KIRREL3: variants seen among roughly 807,000 people sequenced by gnomAD.
KIRREL3 encodes kin of IRRE-like protein 3.
In KIRREL3, 36 loss-of-function variants were observed where a neutral mutation model predicts 89.7. The ratio of observed to expected loss-of-function variants is 0.40; its 90% CI spans 0.31 to 0.53. KIRREL3 has a LOEUF of 0.53. KIRREL3 is among the 20% of genes least tolerant of loss of function. The probability of loss-of-function intolerance (pLI) is 0.49; values close to 1 mark genes in which losing one functional copy is unlikely to be tolerated. For missense variants in KIRREL3, 864 were observed against 1,056.6 expected, an observed-to-expected ratio of 0.82 and a Z score of 2.53; for synonymous variants, 445 against 441.4, an observed-to-expected ratio of 1.01 and a Z score of -0.10.
chr11:126,914,668 C>T (rs939615264), intron 1 of KIRREL3, among the ~76,000 whole-genome samples: 5 of 152,206 alleles, frequency 3.3e-5, no homozygotes, highest in South Asian at 2.1e-4. Flanking sequence ...GGGTAGCATA[C>T]GCCACTTTTT....
At chr11:126,538,387 T>C (rs1415230628) in intron 2 of KIRREL3, among the ~76,000 whole-genome samples, 2 of 151,860 alleles carry the variant, frequency 1.3e-5, no homozygotes, top group African/African-American at 2.4e-5. Context: ...AGCAAGCAAA[T>C]AGGAAGAAGG....
chr11:126,440,786 C>A (rs185955628), intron 10 of KIRREL3: 5 of 587,572 alleles, frequency 8.5e-6, no homozygotes, highest in Non-Finnish European at 1.5e-5. Context: ...CCAGAAGATA[C>A]AAATAACTGT....
rs180812274 is a variant in KIRREL3, at chr11:126,891,725, T to A, written c.55+108730A>T. 4.6e-3 allele frequency among the ~76,000 whole-genome samples: 700 copies of A among 152,250 alleles called. 7 individuals carry two copies. The highest frequency in any genetic ancestry group is 0.015 in the African/African-American group (636 of 41,560). On this transcript the variant is annotated intron_variant, in intron 1 of 16. Transcript: ENST00000525144. The surrounding 1 kb of genome is among the most constrained non-coding windows in gnomAD (Gnocchi z 5.1). ...CCCTGACCGGCTGACTCAAAGGAAGTTGGCTGGCAGGTTCTGCGATCCCTG... is the reference window on the plus strand; with the variant it reads ...CCCTGACCGGCTGACTCAAAGGAAGATGGCTGGCAGGTTCTGCGATCCCTG...
At position 126,666,306 on chromosome 11, in the gene KIRREL3, G is replaced by A. The variant is rs565927345; in HGVS notation, c.56-103394C>T. Among the ~76,000 whole-genome samples, 78 of 152,226 alleles carry A rather than the reference G, an allele frequency of 5.1e-4. No individual in the cohort carries two copies. The highest frequency in any genetic ancestry group is 5.1e-4 in the Non-Finnish European group (35 of 68,006). Reference sequence around the variant, plus strand: ...GGTTTTACCTCCTGTCCAGGCACCCGTTCCTCTTTCTGCAGGGATAAGAGT... The same window carrying A: ...GGTTTTACCTCCTGTCCAGGCACCCATTCCTCTTTCTGCAGGGATAAGAGT... On this transcript the variant is annotated intron_variant, in intron 1 of 16. Coordinates refer to ENST00000525144, the MANE Select transcript of KIRREL3 (RefSeq NM_032531.4). This position sits in a 1 kb window ranked among gnomAD's most constrained non-coding sequence, Gnocchi z 4.2.
At chr11:126,855,319 G>A (rs535393854) in intron 1 of KIRREL3, among the ~76,000 whole-genome samples, 21 of 152,268 alleles carry the variant, frequency 1.4e-4, no homozygotes, top group South Asian at 1.2e-3. Flanking sequence ...TTTAAAAGTG[G>A]GGAATGCCGG....
intron 1 of KIRREL3, among the ~76,000 whole-genome samples, chr11:126,693,067 G>T (rs1425202252): frequency 2.6e-5 from 4 of 152,246 alleles, no homozygotes; most frequent in Non-Finnish European, 5.9e-5. Flanking sequence ...TCCTAGACCA[G>T]CCACCCTCTA....
chr11:126,660,670 G>C (rs1285966579), intron 1 of KIRREL3, among the ~76,000 whole-genome samples: 1 of 152,080 alleles, frequency 6.6e-6, no homozygotes, highest in East Asian at 1.9e-4. Flanking sequence ...ACCATTCTCA[G>C]GCCAGAGAAG....
chr11:126,790,386 T>C (rs1033842841), intron 1 of KIRREL3, among the ~76,000 whole-genome samples: 1 of 152,166 alleles, frequency 6.6e-6, no homozygotes, highest in African/African-American at 2.4e-5. Flanking sequence ...GTCAAGAGGC[T>C]CTCCCCTGGT....
At position 126,441,496 on chromosome 11, in the gene KIRREL3, G is replaced by T. The variant is rs1955560486; in HGVS notation, c.1253-947C>A. Among the ~76,000 whole-genome samples the T allele has an allele frequency of 6.6e-6, 1 of 152,198 alleles. No homozygotes were observed. The highest frequency in any genetic ancestry group is 6.5e-5 in the Admixed American group (1 of 15,284). ...TGGGCTCTGCTGGCTTCCTGGCTGG[G>T]CTGGGTGGTTGAAGGATGGGAGTAG... On this transcript the variant is annotated intron_variant, in intron 10 of 16. Coordinates refer to ENST00000525144, the MANE Select transcript of KIRREL3 (RefSeq NM_032531.4). The surrounding 1 kb of genome is among the most constrained non-coding windows in gnomAD (Gnocchi z 5.0).
At chr11:126,861,341 G>A (rs1461116500) in intron 1 of KIRREL3, among the ~76,000 whole-genome samples, 1 of 152,084 alleles carries the variant, frequency 6.6e-6, no homozygotes, top group Non-Finnish European at 1.5e-5. Flanking sequence ...CTGAACTCAG[G>A]AATCAAGACC....
intron 1 of KIRREL3, among the ~76,000 whole-genome samples, chr11:126,674,074 C>G (rs1463848806): frequency 6.6e-6 from 1 of 152,238 alleles, no homozygotes; most frequent in Non-Finnish European, 1.5e-5. Flanking sequence ...TGGCCAGGAC[C>G]CTTTCAAGCT....
chr11:126,792,046 G>A (rs1461984871), intron 1 of KIRREL3, among the ~76,000 whole-genome samples: 1 of 152,144 alleles, frequency 6.6e-6, no homozygotes, highest in Non-Finnish European at 1.5e-5. Context: ...CTCCCTTTTG[G>A]GGGAGACTTG....
chr11:126,814,139 C>T lies in KIRREL3; in HGVS notation c.55+186316G>A, dbSNP rs1951483176. On this transcript the variant is annotated intron_variant, in intron 1 of 16. Transcript: ENST00000525144. This position sits in a 1 kb window ranked among gnomAD's most constrained non-coding sequence, Gnocchi z 4.4. ...CAAAAGAAGACATACATGTGGCCAA[C>T]AAATATATGAAAAAAAGCTTAACAT... is the stretch of plus-strand genomic sequence containing the variant. Among the ~76,000 whole-genome samples the T allele has an allele frequency of 6.6e-6, 1 of 151,480 alleles. No homozygotes were observed. The highest frequency in any genetic ancestry group is 1.9e-4 in the East Asian group (1 of 5,158).
chr11:126,685,298 C>G lies in KIRREL3; in HGVS notation c.56-122386G>C, dbSNP rs1214666681. Among the ~76,000 whole-genome samples the G allele has an allele frequency of 6.6e-6, 1 of 152,120 alleles. No homozygotes were observed. The highest frequency in any genetic ancestry group is 1.5e-5 in the Non-Finnish European group (1 of 68,024). On this transcript the variant is annotated intron_variant, in intron 1 of 16. Transcript: ENST00000525144. This position sits in a 1 kb window ranked among gnomAD's most constrained non-coding sequence, Gnocchi z 5.5. The stretch of plus-strand genomic sequence containing the variant: ...AATTGAGCAACAAAACATAGTCACA[C>G]AGGGCCTGCCTCACACCCAGCACTG...
rs752326151 is a variant in KIRREL3 at position 126,747,907 on chromosome 11, C to A, written c.56-184995G>T. 6.6e-6 allele frequency among the ~76,000 whole-genome samples: 1 copy of A among 152,120 alleles called. No homozygotes were observed. The highest frequency in any genetic ancestry group is 2.4e-5 in the African/African-American group (1 of 41,430). ...AAGACTCCCCTCCAGACAGGCGTTG[C>A]GGTCTTTCCCTATCCCACAGGGTCT... On this transcript the variant is annotated intron_variant, in intron 1 of 16. Transcript: ENST00000525144. This position sits in a 1 kb window ranked among gnomAD's most constrained non-coding sequence, Gnocchi z 4.7.
At chr11:126,478,333 A>T (rs2134299284) in intron 4 of KIRREL3, among the ~76,000 whole-genome samples, 1 of 152,338 alleles carries the variant, frequency 6.6e-6, no homozygotes, top group Middle Eastern at 3.4e-3. Context: ...AGGACAACAA[A>T]GACCTTATCT....
rs566933661 is a variant in KIRREL3, at chr11:126,881,391, C to T, written c.55+119064G>A. 1.8e-3 allele frequency among the ~76,000 whole-genome samples: 263 copies of T among 142,184 alleles called. 1 individual carries two copies. Among genetic ancestry groups the T allele is most frequent in the African/African-American group, 6.9e-3 (249 of 36,088 alleles). 93.3% of individuals were successfully genotyped at this position (142,184 alleles called of 152,430 possible). A position where few individuals can be genotyped will look rare whatever the true frequency, so the allele number is the denominator to read the frequency against. On this transcript the variant is annotated intron_variant, in intron 1 of 16. Transcript: ENST00000525144. ...GGCATTGTGAAAACTCAATTCAGAC[C>T]AGGTCTCCCAGCCAACTGGCCTGGT...
chr11:126,933,721 A>G (rs1300809139), intron 1 of KIRREL3, among the ~76,000 whole-genome samples: 3 of 151,876 alleles, frequency 2.0e-5, no homozygotes, highest in Non-Finnish European at 2.9e-5. Context: ...AAATAATCAA[A>G]TTCTAGAAAG....
rs1230061483 is a variant in KIRREL3 at position 126,943,228 on chromosome 11, T to A, written c.55+57227A>T. The stretch of plus-strand genomic sequence containing the variant: ...GAGGTGTTTCTGGGCCTTAAGCAGC[T>A]CCCATGGTAAAACATTCACCGTCAT... On this transcript the variant is annotated intron_variant, in intron 1 of 16. Transcript: ENST00000525144. This position sits in a 1 kb window ranked among gnomAD's most constrained non-coding sequence, Gnocchi z 4.2. Among the ~76,000 whole-genome samples the A allele has an allele frequency of 2.0e-5, 3 of 152,168 alleles. No homozygotes were observed. Among genetic ancestry groups the A allele is most frequent in the Non-Finnish European group, 4.4e-5 (3 of 68,014 alleles).
Sources: gnomAD v4.1 joint callset for allele counts (sites outside exome capture counted in the v4.1 genomes callset) on GRCh38, gnomAD v4.1.1 for gene constraint, Gnocchi (gnomAD v3.1) non-coding constraint, MANE v1.5 for transcripts, NCBI Gene and HGNC (gene_info 2026-07-23, HGNC 2026-07-21) for gene names.